The following ATP8A2 variants were observed in gnomAD, a reference collection of about 807,000 sequenced individuals.
The protein encoded by ATP8A2 is phospholipid-transporting ATPase IB.
Under a neutral mutation model 165.6 loss-of-function variants are expected in ATP8A2, and 100 were observed. The ratio of observed to expected loss-of-function variants is 0.60; its 90% CI spans 0.51 to 0.71. The LOEUF (loss-of-function observed/expected upper bound fraction) is 0.71, where lower values mean the gene tolerates loss of function less well. Among genes scored for constraint, ATP8A2 ranks in the 30% least tolerant of loss-of-function variants. The pLI is 0.00. For missense variants in ATP8A2, 1,227 were observed against 1,479.5 expected (o/e 0.83, Z 2.80); for synonymous variants, 543 against 548.8 (o/e 0.99, Z 0.15).
chr13:25,937,381 A>G (rs74042212), intron 33 of ATP8A2, among the ~76,000 whole-genome samples: 1,663 of 6,506 alleles, frequency 0.26, 88 homozygotes, highest in African/African-American at 0.41. Flanking sequence ...TTTTTTTTTG[A>G]ACAGCCCAAT....
chr13:25,493,746 T>G (rs1873071176), intron 2 of ATP8A2, among the ~76,000 whole-genome samples: 1 of 152,084 alleles, frequency 6.6e-6, no homozygotes, highest in Non-Finnish European at 1.5e-5. Flanking sequence ...GATGGTTCAG[T>G]GCATTGAATA....
chr13:25,517,995 T>C (rs1317101799), intron 2 of ATP8A2, among the ~76,000 whole-genome samples: 1 of 152,234 alleles, frequency 6.6e-6, no homozygotes, highest in African/African-American at 2.4e-5. Flanking sequence ...TGATGCCAGA[T>C]GTGGAAGGCC....
chr13:25,962,928 T>C (rs1317952909), intron 34 of ATP8A2, among the ~76,000 whole-genome samples: 1 of 152,226 alleles, frequency 6.6e-6, no homozygotes, highest in African/African-American at 2.4e-5. Flanking sequence ...CACTAAGTTT[T>C]TTAACTGTTA....
At chr13:25,610,339 T>C (rs9511832) in intron 24 of ATP8A2, among the ~76,000 whole-genome samples, 108,260 of 152,106 alleles carry the variant, frequency 0.71, 40,186 homozygotes, top group Non-Finnish European at 0.82. Flanking sequence ...ATGTGGCTTG[T>C]CAATTATCCC....
intron 33 of ATP8A2, among the ~76,000 whole-genome samples, chr13:25,925,832 A>G (rs1266481866): frequency 2.6e-5 from 4 of 151,512 alleles, no homozygotes; most frequent in Non-Finnish European, 5.9e-5. Context: ...GGTTCAAGCA[A>G]TTCTCCTGTC....
rs368131858 is a variant in ATP8A2 at position 25,637,267 on chromosome 13, C to G, written c.2211+47568C>G. On this transcript the variant is annotated intron_variant, in intron 24 of 36. Coordinates refer to ENST00000381655, the MANE Select transcript of ATP8A2 (RefSeq NM_016529.6). ...GGCTAGTTGGACAGTAGGTGCAGGA[C>G]AGTGGGTGCAGCCCAACGAGCATGA... Among the ~76,000 whole-genome samples the G allele has an allele frequency of 6.6e-5, 10 of 152,132 alleles. No homozygotes were observed. In the South Asian group the frequency reaches 2.1e-3, roughly 32 times the overall value.
intron 10 of ATP8A2, among the ~76,000 whole-genome samples, chr13:25,546,244 A>G (rs1048707443): frequency 5.3e-5 from 8 of 152,142 alleles, no homozygotes; most frequent in Admixed American, 2.6e-4. Context: ...TGTGAGAGGC[A>G]CTTTTCCTTG....
intron 28 of ATP8A2, among the ~76,000 whole-genome samples, chr13:25,828,976 C>G (rs144127448): frequency 3.9e-5 from 6 of 152,288 alleles, no homozygotes; most frequent in African/African-American, 1.2e-4. Flanking sequence ...CATTCTGAAG[C>G]AGCCATCATA....
intron 25 of ATP8A2, among the ~76,000 whole-genome samples, chr13:25,733,049 T>G (rs1015245024): frequency 1.8e-4 from 27 of 152,142 alleles, no homozygotes; most frequent in Non-Finnish European, 7.4e-5. Context: ...AGCTATTAAA[T>G]AGCAATTTTA....
chr13:25,375,663 C>G, intron 1 of ATP8A2, among the ~76,000 whole-genome samples: 1 of 149,840 alleles, frequency 6.7e-6, no homozygotes, highest in Non-Finnish European at 1.5e-5. Flanking sequence ...ACCTCCGCCT[C>G]CCGGGTTCAA....
At chr13:26,005,423 T>C (rs779573609) in intron 35 of ATP8A2, among the ~76,000 whole-genome samples, 18 of 152,036 alleles carry the variant, frequency 1.2e-4, no homozygotes, top group Non-Finnish European at 2.2e-4. Context: ...CCATTGTTTT[T>C]GTAGTCTCTG....
At chr13:25,537,793 G>C (rs187811219) in intron 6 of ATP8A2, among the ~76,000 whole-genome samples, 195 bp from the exon 7 acceptor site, 2 of 152,092 alleles carry the variant, frequency 1.3e-5, no homozygotes, top group South Asian at 4.2e-4. Flanking sequence ...GCAAAAAAAG[G>C]CAACATTACC....
intron 27 of ATP8A2, among the ~76,000 whole-genome samples, chr13:25,802,109 G>A (rs1166003875): frequency 1.3e-5 from 2 of 152,320 alleles, no homozygotes; most frequent in Non-Finnish European, 1.5e-5. Flanking sequence ...GGTAACCTAC[G>A]TTAGAGATTC....
chr13:25,586,719 G>T lies in ATP8A2; in HGVS notation c.2147-2916G>T, dbSNP rs1329600688. ...GGGTAGCTTGGTGGATGTGATCTCA[G>T]GATATATGGTGTGGAAGGATACATT... is the stretch of plus-strand genomic sequence containing the variant. On this transcript the variant is annotated intron_variant, in intron 23 of 36. Transcript: ENST00000381655. 1.9e-4 allele frequency among the ~76,000 whole-genome samples: 29 copies of T among 152,178 alleles called. 1 individual carries two copies.
intron 1 of ATP8A2, among the ~76,000 whole-genome samples, chr13:25,389,426 T>C (rs568616020): frequency 2.8e-4 from 43 of 151,994 alleles, no homozygotes; most frequent in African/African-American, 9.9e-4. Context: ...TTCTGGGAGG[T>C]ATGCTAAACT....
intron 27 of ATP8A2, among the ~76,000 whole-genome samples, chr13:25,802,659 TG>T (rs1342659042): frequency 1.3e-5 from 2 of 152,172 alleles, no homozygotes; most frequent in African/African-American, 4.8e-5. Context: ...CCTGATGTGC[TG>T]GATATTAATT....
At chr13:25,865,262 G>A (rs761165347) in intron 33 of ATP8A2, among the ~76,000 whole-genome samples, 3 of 152,126 alleles carry the variant, frequency 2.0e-5, no homozygotes, top group Non-Finnish European at 2.9e-5. Flanking sequence ...CTAGGAAAAG[G>A]CCACTTTTTA....
chr13:25,892,992 A>G (rs1339360715), intron 33 of ATP8A2, among the ~76,000 whole-genome samples: 1 of 152,042 alleles, frequency 6.6e-6, no homozygotes, highest in Non-Finnish European at 1.5e-5. Flanking sequence ...CATATCAATC[A>G]AATGTTGTTG....
At chr13:25,884,128 A>G (rs1953067532) in intron 33 of ATP8A2, among the ~76,000 whole-genome samples, 1 of 152,082 alleles carries the variant, frequency 6.6e-6, no homozygotes, top group Non-Finnish European at 1.5e-5. Context: ...GAGAATGGTT[A>G]ATGGAAGGAC....
Sources: gnomAD v4.1 joint callset for allele counts (sites outside exome capture counted in the v4.1 genomes callset) on GRCh38, gnomAD v4.1.1 for gene constraint, MANE v1.5 for transcripts, NCBI Gene and HGNC (gene_info 2026-07-23, HGNC 2026-07-21) for gene names.